Variants in CCSAP observed in about 807,000 individuals in gnomAD.
CCSAP encodes the protein centriole, cilia and spindle associated protein, also known as centriole, cilia and spindle-associated protein.
In CCSAP, 17 loss-of-function variants were observed where a neutral mutation model predicts 25.9. That is an observed-to-expected ratio of 0.66 (90% CI 0.45 to 0.99). The LOEUF (loss-of-function observed/expected upper bound fraction) is 0.99. CCSAP is among the 50% of genes least tolerant of loss of function. The pLI is 0.00. For synonymous variants in CCSAP, 169 were observed against 157.1 expected (o/e 1.08, Z -0.57); for missense variants, 339 against 367.8 (o/e 0.92, Z 0.64).
In CCSAP at chr1:229,322,811, G is replaced by C. The variant is rs1346308606; in HGVS notation, c.*2424C>G. 6.6e-6 allele frequency: 1 copy of C among 152,114 alleles called. No homozygotes were observed. The highest frequency in any genetic ancestry group is 1.5e-5 in the Non-Finnish European group (1 of 68,002). The allele number at this position is 152,114 out of a possible 1,614,324, so 9.4% of individuals were successfully genotyped here. On this transcript the variant is annotated 3_prime_UTR_variant, in exon 4 of 4. Coordinates refer to ENST00000284617, the MANE Select transcript of CCSAP (RefSeq NM_145257.5). ...AATCAAAAAGCATATTTATGACATT[G>C]TTTTAATTAAGTTAAAATCAAAATT...
At chr1:229,337,678 A>AAAAAAAAAATATATATATATATATATAT in intron 2 of CCSAP, among the ~76,000 whole-genome samples, 1 of 65,548 alleles carries the variant, frequency 1.5e-5, no homozygotes, top group African/African-American at 6.0e-5. Flanking sequence ...CTCAAAAAAA[A>AAAAAAAAAATATATATATATATATATAT]ATATATATAT....
intron 2 of CCSAP, among the ~76,000 whole-genome samples, chr1:229,330,302 G>A (rs189999119): frequency 5.3e-5 from 8 of 152,284 alleles, no homozygotes; most frequent in African/African-American, 1.4e-4. Flanking sequence ...TCCTGGTCCC[G>A]GCAGCCAGAC....
At position 229,325,334 on chromosome 1, in the gene CCSAP, A is replaced by C; in HGVS notation, c.714T>G (p.Ala238=). The change falls in exon 4 of 4, where the codon GCT becomes GCG. Residue 238 remains alanine (A), a synonymous_variant. Coordinates refer to ENST00000284617, the MANE Select transcript of CCSAP (RefSeq NM_145257.5). The part of the protein sequence containing the change: ...KRKLVAQRQR[A]HSVDVEKNRK... ...TGTTCTTCTCCACATCCACAGAGTG[A>C]GCTCGCTGCCTTTGAGCAACCAGTT... 6.2e-7 allele frequency: 1 copy of C among 1,614,188 alleles called. No individual in the cohort carries two copies. The highest frequency in any genetic ancestry group is 8.5e-7 in the Non-Finnish European group (1 of 1,180,018).
intron 2 of CCSAP, among the ~76,000 whole-genome samples, chr1:229,331,597 C>G (rs934413931): frequency 5.3e-5 from 8 of 151,850 alleles, no homozygotes; most frequent in Admixed American, 3.3e-4. Flanking sequence ...CAGGGGCAGG[C>G]CCCCAGAAAC....
chr1:229,336,007 G>A (rs1342202901), intron 2 of CCSAP, among the ~76,000 whole-genome samples: 1 of 151,834 alleles, frequency 6.6e-6, no homozygotes, highest in African/African-American at 2.4e-5. Flanking sequence ...GTATTTAATT[G>A]TATTAGGTAT....
rs1388695463 is a variant in CCSAP, at chr1:229,342,163, CG to C, written c.302del (p.Pro101ArgfsTer26). The C allele has an allele frequency of 2.3e-6, 3 of 1,299,152 alleles. No individual in the cohort carries two copies. The highest frequency in any genetic ancestry group is 1.5e-5 in the African/African-American group (1 of 65,330). 80.5% of individuals were successfully genotyped at this position (1,299,152 alleles called of 1,614,324 possible). ...EEAERRARGA[P>X]EEQDAEAGDA... ...CCCCGGCCTCCGCGTCCTGCTCCTCCGGGGCCCCGCGCGCCCGCCGTTCCGC... is the reference window on the plus strand; with the variant it reads ...CCCCGGCCTCCGCGTCCTGCTCCTCCGGGCCCCGCGCGCCCGCCGTTCCGC... On this transcript the variant is annotated frameshift_variant, in exon 2 of 4. Coordinates refer to ENST00000284617, the MANE Select transcript of CCSAP (RefSeq NM_145257.5). LOFTEE classifies it high-confidence loss of function. The surrounding 1 kb of genome is among the most constrained non-coding windows in gnomAD (Gnocchi z 7.5).
chr1:229,321,826 A>G lies in CCSAP; in HGVS notation c.*3409T>C, dbSNP rs1286715081. 1.3e-5 allele frequency: 2 copies of G among 152,334 alleles called. No individual in the cohort carries two copies. The highest frequency in any genetic ancestry group is 3.9e-4 in the East Asian group (2 of 5,186). 9.4% of individuals were successfully genotyped at this position (152,334 alleles called of 1,614,324 possible). A position where few individuals can be genotyped will look rare whatever the true frequency, so the allele number is the denominator to read the frequency against. Reference sequence around the variant, plus strand: ...CGTGAGTTCTGCATCCATGGATTCAACCAAATACAAATTGAAAATATTTGG... The same window carrying G: ...CGTGAGTTCTGCATCCATGGATTCAGCCAAATACAAATTGAAAATATTTGG... On this transcript the variant is annotated 3_prime_UTR_variant, in exon 4 of 4. Coordinates refer to ENST00000284617, the MANE Select transcript of CCSAP (RefSeq NM_145257.5).
At chr1:229,337,678 A>AAAAAAAAAAAAAAAAAAAAAAAATAT in intron 2 of CCSAP, among the ~76,000 whole-genome samples, 1 of 65,512 alleles carries the variant, frequency 1.5e-5, no homozygotes, top group African/African-American at 6.0e-5. Context: ...CTCAAAAAAA[A>AAAAAAAAAAAAAAAAAAAAAAAATAT]ATATATATAT....
At chr1:229,337,016 T>G (rs1401247244) in intron 2 of CCSAP, among the ~76,000 whole-genome samples, 2 of 152,034 alleles carry the variant, frequency 1.3e-5, no homozygotes, top group African/African-American at 4.8e-5. Flanking sequence ...TAAGTAAAAA[T>G]GTTAGGGGAC....
At chr1:229,338,429 G>A (rs568233065) in intron 2 of CCSAP, among the ~76,000 whole-genome samples, 1 of 151,870 alleles carries the variant, frequency 6.6e-6, no homozygotes, top group African/African-American at 2.4e-5. Context: ...AAAAGAAAAC[G>A]TGACTATGAA....
Position 229,342,905 on chromosome 1 carries a change from GCCTTACCTC to G in CCSAP, c.-51_-49+6del, listed in dbSNP as rs1658377354. On this transcript the variant is annotated splice_donor_variant and splice_donor_5th_base_variant and 5_prime_UTR_variant and intron_variant, in exon 1 of 4. Coordinates refer to ENST00000284617, the MANE Select transcript of CCSAP (RefSeq NM_145257.5). LOFTEE classifies it low-confidence loss of function (5UTR_SPLICE). The surrounding 1 kb of genome is among the most constrained non-coding windows in gnomAD (Gnocchi z 7.5). The stretch of plus-strand genomic sequence containing the variant: ...GCTAGGCGTGCGGTCCCGCGGGGCT[GCCTTACCTC>G]CTTCCCGCCGCGCCCGGCCGATCCT... The G allele has an allele frequency of 6.4e-6, 1 of 155,358 alleles. No individual in the cohort carries two copies. The highest frequency in any genetic ancestry group is 1.4e-5 in the Non-Finnish European group (1 of 70,176). The allele number at this position is 155,358 out of a possible 1,614,324, so 9.6% of individuals were successfully genotyped here. A position where few individuals can be genotyped will look rare whatever the true frequency, so the allele number is the denominator to read the frequency against.
Position 229,324,241 on chromosome 1 carries a change from T to C in CCSAP, c.*994A>G, listed in dbSNP as rs1657888424. The C allele has an allele frequency of 6.6e-6, 1 of 152,486 alleles. No homozygotes were observed. The highest frequency in any genetic ancestry group is 2.1e-4 in the South Asian group (1 of 4,826). The allele number at this position is 152,486 out of a possible 1,614,324, so 9.4% of individuals were successfully genotyped here. On this transcript the variant is annotated 3_prime_UTR_variant, in exon 4 of 4. Coordinates refer to ENST00000284617, the MANE Select transcript of CCSAP (RefSeq NM_145257.5). The stretch of plus-strand genomic sequence containing the variant: ...AAAGAGAAAGTAGGGGTGGGCAGTC[T>C]ATCTAACAGGCATCTTCACACTGGT...
rs1346288215 is a variant in CCSAP at position 229,342,046 on chromosome 1, G to A, written c.367+53C>T. On this transcript the variant is annotated intron_variant, in intron 2 of 3. Coordinates refer to ENST00000284617, the MANE Select transcript of CCSAP (RefSeq NM_145257.5). The surrounding 1 kb of genome is among the most constrained non-coding windows in gnomAD (Gnocchi z 7.5). ...TAAGAGATCAGCTGCTCAGAGCTTA[G>A]AGCAAACCGTCCCTGCGTGCAGGCC... 4 of 1,291,792 alleles carry A rather than the reference G, an allele frequency of 3.1e-6. No individual in the cohort carries two copies. In the African/African-American group the frequency reaches 4.6e-5, roughly 15 times the overall value. 80.0% of individuals were successfully genotyped at this position (1,291,792 alleles called of 1,614,324 possible).
Position 229,326,945 on chromosome 1 carries a change from G to T in CCSAP, c.429C>A (p.Asp143Glu). ...PEQQTRTRET[D>E]KSPTSTEPRQ... is the part of the protein sequence containing the mutation. ...GAGGCTCAGTACTGGTGGGTGATTT[G>T]TCAGTCTCTCTTGTTCTGGTTTGTT... The change falls in exon 3 of 4, where the codon GAC (aspartate) becomes GAA (glutamate). Residue 143 changes from aspartate (D) to glutamate (E), a missense_variant. Coordinates refer to ENST00000284617, the MANE Select transcript of CCSAP (RefSeq NM_145257.5). The T allele has an allele frequency of 5.0e-6, 8 of 1,614,144 alleles. No homozygotes were observed. The highest frequency in any genetic ancestry group is 6.8e-6 in the Non-Finnish European group (8 of 1,180,016).
chr1:229,325,052 A>G lies in CCSAP; in HGVS notation c.*183T>C, dbSNP rs1293427425. On this transcript the variant is annotated 3_prime_UTR_variant, in exon 4 of 4. Transcript: ENST00000284617. The stretch of plus-strand genomic sequence containing the variant: ...GTCTATGGCTTCAACTGTCTGCCCT[A>G]CTGCCGAGGTAGGTGACCAATATTC... 9.4e-6 allele frequency: 5 copies of G among 529,276 alleles called. No homozygotes were observed. The highest frequency in any genetic ancestry group is 1.9e-5 in the African/African-American group (1 of 52,054). The allele number at this position is 529,276 out of a possible 1,614,324, so 32.8% of individuals were successfully genotyped here.
In CCSAP at chr1:229,324,987, T is replaced by G; in HGVS notation, c.*248A>C. The G allele has an allele frequency of 2.7e-6, 1 of 370,472 alleles. No homozygotes were observed. 22.9% of individuals were successfully genotyped at this position (370,472 alleles called of 1,614,324 possible). A position where few individuals can be genotyped will look rare whatever the true frequency, so the allele number is the denominator to read the frequency against. Reference sequence around the variant, plus strand: ...CTTTAAAACAAAAACCTTATAAGAATATCAAAGATTTAGGGAATTATCTTC... The same window carrying G: ...CTTTAAAACAAAAACCTTATAAGAAGATCAAAGATTTAGGGAATTATCTTC... On this transcript the variant is annotated 3_prime_UTR_variant, in exon 4 of 4. Transcript: ENST00000284617.
rs1393764351 is a variant in CCSAP at position 229,342,920 on chromosome 1, C to T, written c.-57G>A. On this transcript the variant is annotated 5_prime_UTR_variant, in exon 1 of 4. Transcript: ENST00000284617. The surrounding 1 kb of genome is among the most constrained non-coding windows in gnomAD (Gnocchi z 7.5). Reference sequence around the variant, plus strand: ...CCGCGGGGCTGCCTTACCTCCTTCCCGCCGCGCCCGGCCGATCCTCTGCGC... The same window carrying T: ...CCGCGGGGCTGCCTTACCTCCTTCCTGCCGCGCCCGGCCGATCCTCTGCGC... The T allele has an allele frequency of 1.3e-5, 2 of 154,090 alleles. No individual in the cohort carries two copies. Among genetic ancestry groups the T allele is most frequent in the East Asian group, 1.9e-4 (1 of 5,218 alleles). 9.5% of individuals were successfully genotyped at this position (154,090 alleles called of 1,614,324 possible).
chr1:229,330,099 G>C lies in CCSAP; in HGVS notation c.368-3093C>G, dbSNP rs1271591865. 3.4e-5 allele frequency among the ~76,000 whole-genome samples: 5 copies of C among 147,930 alleles called. No homozygotes were observed. In the South Asian group the frequency reaches 1.0e-3, roughly 31 times the overall value. On this transcript the variant is annotated intron_variant, in intron 2 of 3. Transcript: ENST00000284617. The stretch of plus-strand genomic sequence containing the variant: ...CAGACAACAAGGACCCTCCAGAGCA[G>C]ACAGCCCAGCAACACTGCATCAGAC...
chr1:229,336,839 AT>A (rs912903017), intron 2 of CCSAP, among the ~76,000 whole-genome samples: 1 of 151,742 alleles, frequency 6.6e-6, no homozygotes, highest in Non-Finnish European at 1.5e-5. Context: ...ACAGAATGCT[AT>A]TTTTTTTAAT....
Sources: gnomAD v4.1 joint callset for allele counts (sites outside exome capture counted in the v4.1 genomes callset) on GRCh38, gnomAD v4.1.1 for gene constraint, Gnocchi (gnomAD v3.1) non-coding constraint, MANE v1.5 for transcripts, NCBI Gene and HGNC (gene_info 2026-07-23, HGNC 2026-07-21) for gene names.